PDE4D: variants seen among roughly 807,000 people sequenced by gnomAD.
The protein encoded by PDE4D is 3',5'-cyclic-AMP phosphodiesterase 4D.
PDE4D carries 24 observed loss-of-function variants against 87.4 expected under a neutral mutation model. The observed-to-expected ratio is 0.27, with a 90% CI of 0.20 to 0.39. The LOEUF (loss-of-function observed/expected upper bound fraction) is 0.39, where lower values mean the gene tolerates loss of function less well. Among genes scored for constraint, PDE4D ranks in the 10% least tolerant of loss-of-function variants. The pLI is 1.00. For missense variants in PDE4D, 714 were observed against 1,041.0 expected (o/e 0.69, Z 4.32); for synonymous variants, 384 against 383.2 (o/e 1.00, Z -0.02).
intron 2 of PDE4D, among the ~76,000 whole-genome samples, chr5:60,132,285 T>G (rs895169659): frequency 2.0e-5 from 3 of 152,206 alleles, no homozygotes; most frequent in African/African-American, 7.2e-5. Flanking sequence ...AATTTCATAC[T>G]CAGGAAAATT....
intron 1 of PDE4D, among the ~76,000 whole-genome samples, chr5:59,607,983 G>A (rs1326902278): frequency 6.6e-6 from 1 of 152,036 alleles, no homozygotes; most frequent in African/African-American, 2.4e-5. Flanking sequence ...GTTTATTTCT[G>A]TAAGAACAAT....
Position 60,076,913 on chromosome 5 carries a change from G to T in PDE4D, c.43-88196C>A, listed in dbSNP as rs115485420. Among the ~76,000 whole-genome samples, 671 of 152,302 alleles carry T rather than the reference G, an allele frequency of 4.4e-3. 7 individuals carry two copies. The highest frequency in any genetic ancestry group is 0.015 in the African/African-American group (638 of 41,568). ...CTGTGTGGGCATTCACAGCAGCAGT[G>T]GTGGCCACATGGCGACATGGCTTGG... is the stretch of plus-strand genomic sequence containing the variant. On this transcript the variant is annotated intron_variant, in intron 2 of 16. Transcript: ENST00000502484.
At chr5:59,340,995 C>G (rs1054033105) in intron 1 of PDE4D, among the ~76,000 whole-genome samples, 2 of 152,138 alleles carry the variant, frequency 1.3e-5, no homozygotes, top group African/African-American at 4.8e-5. Context: ...ACCCTATACA[C>G]AGTATTAGTA....
chr5:60,349,645 C>A (rs923074268), intron 1 of PDE4D, among the ~76,000 whole-genome samples: 1 of 152,144 alleles, frequency 6.6e-6, no homozygotes, highest in African/African-American at 2.4e-5. Context: ...TAAACACAAT[C>A]CCAAAATAAA....
At chr5:60,344,552 A>G (rs1758581144) in intron 1 of PDE4D, among the ~76,000 whole-genome samples, 1 of 152,142 alleles carries the variant, frequency 6.6e-6, no homozygotes, top group Admixed American at 6.6e-5. Context: ...CTCTTTCCAC[A>G]AAACATTTCT....
At chr5:59,031,390 T>G (rs1229639987) in intron 6 of PDE4D, among the ~76,000 whole-genome samples, 12 of 45,220 alleles carry the variant, frequency 2.7e-4, no homozygotes, top group African/African-American at 1.2e-3. Context: ...TATATATATA[T>G]ATTATATATA....
At chr5:59,900,987 A>G (rs1752200241) in intron 3 of PDE4D, among the ~76,000 whole-genome samples, 1 of 152,196 alleles carries the variant, frequency 6.6e-6, no homozygotes, top group African/African-American at 2.4e-5. Context: ...ACTTAAGAAA[A>G]TGTAAATTTA....
At chr5:59,233,917 T>A (rs950539511) in intron 1 of PDE4D, among the ~76,000 whole-genome samples, 2 of 152,082 alleles carry the variant, frequency 1.3e-5, no homozygotes, top group Admixed American at 1.3e-4. Context: ...GATCTTCTGC[T>A]CCAAAATTAA....
rs59482787 is a variant in PDE4D at position 59,840,336 on chromosome 5, C to CTGTGTG, written c.455+52826_455+52831dup. Reference sequence around the variant, plus strand: ...ACGAATCACTCTCTGAAATGATCCTCTGTGTGTGTGTGTGTGTGTAACGCT... The same window carrying CTGTGTG: ...ACGAATCACTCTCTGAAATGATCCTCTGTGTGTGTGTGTGTGTGTGTGTGTAACGCT... On this transcript the variant is annotated intron_variant, in intron 1 of 14. Transcript: ENST00000340635. Among the ~76,000 whole-genome samples the CTGTGTG allele has an allele frequency of 5.0e-3, 743 of 149,318 alleles. 5 individuals carry two copies. The highest frequency in any genetic ancestry group is 0.017 in the African/African-American group (695 of 40,726).
At chr5:60,423,750 A>G (rs1233558895) in intron 1 of PDE4D, among the ~76,000 whole-genome samples, 9 of 152,204 alleles carry the variant, frequency 5.9e-5, no homozygotes, top group African/African-American at 2.2e-4. Flanking sequence ...AAATCAATGA[A>G]TCCAGAAGTT....
chr5:59,089,436 A>C (rs1382675818), intron 5 of PDE4D, among the ~76,000 whole-genome samples: 4 of 152,162 alleles, frequency 2.6e-5, no homozygotes, highest in African/African-American at 9.7e-5. Context: ...ATAATGAGGA[A>C]AGATAATAGG....
At chr5:59,907,412 G>A (rs563083996) in intron 3 of PDE4D, among the ~76,000 whole-genome samples, 1 of 152,216 alleles carries the variant, frequency 6.6e-6, no homozygotes, top group Admixed American at 6.5e-5. Context: ...AGAAACAATA[G>A]ACACTAGGGT....
intron 1 of PDE4D, among the ~76,000 whole-genome samples, chr5:59,291,552 G>A (rs1768008257): frequency 1.3e-5 from 2 of 151,844 alleles, no homozygotes; most frequent in Non-Finnish European, 2.9e-5. Flanking sequence ...TTTATTGTAT[G>A]TTTTTTAAGC....
chr5:60,057,247 C>A (rs1174667744), intron 2 of PDE4D, among the ~76,000 whole-genome samples: 8 of 151,936 alleles, frequency 5.3e-5, no homozygotes, highest in Admixed American at 4.6e-4. Flanking sequence ...AAATAAAGAT[C>A]AGTAACCAAC....
intron 1 of PDE4D, among the ~76,000 whole-genome samples, chr5:59,804,665 C>T (rs1438841134): frequency 1.3e-5 from 2 of 152,166 alleles, no homozygotes; most frequent in African/African-American, 2.4e-5. Context: ...AAGCTAAACT[C>T]GGAAGAGTAT....
intron 1 of PDE4D, among the ~76,000 whole-genome samples, chr5:59,252,675 C>T (rs529659271): frequency 1.3e-5 from 2 of 152,114 alleles, no homozygotes; most frequent in South Asian, 4.2e-4. Context: ...GTGTGTGCAA[C>T]CACGCCTGGA....
chr5:59,471,459 T>C (rs1464129045), intron 1 of PDE4D, among the ~76,000 whole-genome samples: 4 of 152,246 alleles, frequency 2.6e-5, no homozygotes. Flanking sequence ...AAGAAGACTA[T>C]GAGAATGATT....
At chr5:59,259,479 G>A (rs960975280) in intron 1 of PDE4D, among the ~76,000 whole-genome samples, 4 of 151,840 alleles carry the variant, frequency 2.6e-5, no homozygotes, top group African/African-American at 2.4e-5. Context: ...GTCTGACTTC[G>A]AAATGATACC....
At chr5:59,466,399 C>G (rs1166839142) in intron 1 of PDE4D, among the ~76,000 whole-genome samples, 1 of 152,208 alleles carries the variant, frequency 6.6e-6, no homozygotes, top group Non-Finnish European at 1.5e-5. Context: ...TTATTTTCCA[C>G]AAGCCCAAAT....
Sources: gnomAD v4.1 joint callset for allele counts (sites outside exome capture counted in the v4.1 genomes callset) on GRCh38, gnomAD v4.1.1 for gene constraint, MANE v1.5 for transcripts, NCBI Gene and HGNC (gene_info 2026-07-23, HGNC 2026-07-21) for gene names.